Variants in HMCN1 observed in about 807,000 individuals in gnomAD.
HMCN1 encodes the protein hemicentin 1, also known as hemicentin-1.
HMCN1 carries 321 observed loss-of-function variants against 625.9 expected under a neutral mutation model. That is an observed-to-expected ratio of 0.51 (90% confidence interval 0.47 to 0.56). The LOEUF (loss-of-function observed/expected upper bound fraction) is 0.56. Ranked by LOEUF, HMCN1 falls within the 20% of genes least tolerant of loss-of-function variation. HMCN1 has a pLI of 0.00. For missense variants in HMCN1, 6,588 were observed against 6,887.3 expected, an observed-to-expected ratio of 0.96 and a Z score of 1.54; for synonymous variants, 2,425 against 2,417.6, an observed-to-expected ratio of 1.00 and a Z score of -0.09.
chr1:186,157,693 TG>T (rs1448353699), intron 97 of HMCN1, among the ~76,000 whole-genome samples: 8 of 152,176 alleles, frequency 5.3e-5, no homozygotes, highest in Non-Finnish European at 8.8e-5. Flanking sequence ...ATGCGGTGTT[TG>T]GTTTTTTGTT....
chr1:186,032,201 TCAAA>T (rs1487456985), intron 36 of HMCN1, among the ~76,000 whole-genome samples: 1 of 151,396 alleles, frequency 6.6e-6, no homozygotes, highest in Non-Finnish European at 1.5e-5. Flanking sequence ...TACAAGGAAC[TCAAA>T]CAGATCAGCA....
chr1:185,843,083 T>C (rs560687894), intron 1 of HMCN1, among the ~76,000 whole-genome samples: 1 of 152,364 alleles, frequency 6.6e-6, no homozygotes, highest in Non-Finnish European at 1.5e-5. Context: ...TCTATACTTA[T>C]ATTTGAGATT....
intron 76 of HMCN1, 84 bp downstream of exon 76, chr1:186,117,199 C>CTT: frequency 4.6e-5 from 58 of 1,256,118 alleles, no homozygotes; most frequent in Non-Finnish European, 5.8e-5. Context: ...GATCCCTTTT[C>CTT]TTTTTTTTTT....
At chr1:185,922,305 C>T in intron 6 of HMCN1, 74 bp from the exon 7 acceptor site, 1 of 1,544,680 alleles carries the variant, frequency 6.5e-7, no homozygotes, top group Non-Finnish European at 8.9e-7. Context: ...TGCAGTTTCC[C>T]ATACTGGCGA....
chr1:186,006,306 G>A (rs985101008), intron 29 of HMCN1, among the ~76,000 whole-genome samples: 2 of 152,028 alleles, frequency 1.3e-5, no homozygotes, highest in African/African-American at 2.4e-5. Context: ...TATGAATATG[G>A]CAGTGCATCT....
At chr1:185,999,073 T>C (rs1438876014) in intron 25 of HMCN1, among the ~76,000 whole-genome samples, 1 of 152,062 alleles carries the variant, frequency 6.6e-6, no homozygotes, top group East Asian at 1.9e-4. Flanking sequence ...TTTAAGCCTT[T>C]AACTCAATTT....
intron 4 of HMCN1, among the ~76,000 whole-genome samples, chr1:185,892,036 T>G (rs927661612): frequency 6.6e-6 from 1 of 151,474 alleles, no homozygotes; most frequent in Admixed American, 6.6e-5. Flanking sequence ...CTCTAAACTT[T>G]CCTTCTCGCT....
intron 7 of HMCN1, 33 bp downstream of exon 7, chr1:185,922,532 A>G: frequency 6.4e-7 from 1 of 1,558,412 alleles, no homozygotes. Context: ...AATTGACATA[A>G]TAGATATCCA....
intron 6 of HMCN1, among the ~76,000 whole-genome samples, chr1:185,915,192 G>A (rs564847894): frequency 6.6e-6 from 1 of 152,144 alleles, no homozygotes; most frequent in South Asian, 2.1e-4. Flanking sequence ...GGTAAAGCAT[G>A]TTAAAAAGAA....
chr1:186,039,037 G>T (rs772267783), intron 38 of HMCN1, 32 bp downstream of exon 38: 1 of 1,439,584 alleles, frequency 6.9e-7, no homozygotes, highest in South Asian at 1.1e-5. Context: ...TTCATTCTGG[G>T]GTAAAGAAGC....
At chr1:185,838,247 A>G (rs1399245553) in intron 1 of HMCN1, among the ~76,000 whole-genome samples, 1 of 151,634 alleles carries the variant, frequency 6.6e-6, no homozygotes, top group Non-Finnish European at 1.5e-5. Context: ...AGCCACCACA[A>G]CTCTTGACAG....
chr1:186,038,768 AC>A, intron 37 of HMCN1, 60 bp from the exon 38 acceptor site: 1 of 923,370 alleles, frequency 1.1e-6, no homozygotes. Context: ...CTAAGATCCA[AC>A]TTAGTATATT....
Position 186,115,311 on chromosome 1 carries a change from C to A in HMCN1, c.11458C>A (p.Gln3820Lys). The A allele has an allele frequency of 1.2e-6, 2 of 1,613,964 alleles. No individual in the cohort carries two copies. The highest frequency in any genetic ancestry group is 2.2e-5 in the South Asian group (2 of 91,078). The stretch of plus-strand genomic sequence containing the variant: ...CAACATGACTGTAATAGTAAATGTT[C>A]AAACTACTCTGGCTTGTGAGGCTAC... ...PTNMTVIVNV[Q>K]TTLACEATGI... The change falls in exon 75 of 107, where the codon CAA (glutamine) becomes AAA (lysine). Residue 3820 changes from glutamine to lysine, a missense_variant. Coordinates refer to ENST00000271588, the MANE Select transcript of HMCN1 (RefSeq NM_031935.3).
At chr1:186,095,190 G>T in intron 67 of HMCN1, 53 bp from the exon 68 acceptor site, 2 of 1,522,938 alleles carry the variant, frequency 1.3e-6, no homozygotes, top group South Asian at 1.1e-5. Flanking sequence ...AATTTAAATT[G>T]ATCTCAAATT....
At chr1:186,069,549 T>C (rs1571304118) in intron 50 of HMCN1, 114 bp from the exon 51 acceptor site, 5 of 726,460 alleles carry the variant, frequency 6.9e-6, no homozygotes, top group Non-Finnish European at 1.2e-5. Context: ...CATCACAGAA[T>C]TGTCATATGT....
chr1:186,187,807 A>T, intron 105 of HMCN1, 76 bp from the exon 106 acceptor site: 1 of 1,586,400 alleles, frequency 6.3e-7, no homozygotes, highest in South Asian at 1.1e-5. Context: ...TTCTAGTCAC[A>T]CATCTACAGT....
intron 2 of HMCN1, among the ~76,000 whole-genome samples, chr1:185,855,558 A>C (rs1015567440): frequency 6.6e-6 from 1 of 152,124 alleles, no homozygotes; most frequent in African/African-American, 2.4e-5. Context: ...CTAATTTGCT[A>C]ATCAAGATAT....
At chr1:185,937,752 A>C (rs1667885462) in intron 11 of HMCN1, among the ~76,000 whole-genome samples, 1 of 151,882 alleles carries the variant, frequency 6.6e-6, no homozygotes, top group South Asian at 2.1e-4. Flanking sequence ...TTGGTGGCAC[A>C]CATCTGTAGT....
At chr1:185,882,593 A>G (rs1428095976) in intron 4 of HMCN1, among the ~76,000 whole-genome samples, 1 of 152,124 alleles carries the variant, frequency 6.6e-6, no homozygotes, top group African/African-American at 2.4e-5. Flanking sequence ...ATTTATGTAA[A>G]GCTGTAAGCC....
Sources: gnomAD v4.1 joint callset for allele counts (sites outside exome capture counted in the v4.1 genomes callset) on GRCh38, gnomAD v4.1.1 for gene constraint, MANE v1.5 for transcripts, NCBI Gene and HGNC (gene_info 2026-07-23, HGNC 2026-07-21) for gene names.